The following TNS3 variants were observed in gnomAD, a reference collection of about 807,000 sequenced individuals.
TNS3 encodes tensin 3, also known as tensin-3.
A neutral mutation model predicts 140.9 loss-of-function variants in TNS3; 45 were observed. That is an observed-to-expected ratio of 0.32 (90% CI 0.25 to 0.41). The LOEUF is 0.41. Ranked by LOEUF, TNS3 falls within the 10% of genes least tolerant of loss-of-function variation. The probability of loss-of-function intolerance (pLI) is 1.00; values close to 1 mark genes in which losing one functional copy is unlikely to be tolerated. For missense variants in TNS3, 1,716 were observed against 1,906.7 expected, an observed-to-expected ratio of 0.90 and a Z score of 1.86; for synonymous variants, 815 against 788.4, an observed-to-expected ratio of 1.03 and a Z score of -0.56.
At chr7:47,495,957 C>T (rs188589006) in intron 3 of TNS3, among the ~76,000 whole-genome samples, 1 of 152,248 alleles carries the variant, frequency 6.6e-6, no homozygotes, top group East Asian at 1.9e-4. Context: ...GGATTTCTAA[C>T]CTGGACAGAG....
At chr7:47,399,211 T>C (rs2151335167) in intron 15 of TNS3, among the ~76,000 whole-genome samples, 1 of 152,082 alleles carries the variant, frequency 6.6e-6, no homozygotes, top group South Asian at 2.1e-4. Flanking sequence ...CCCATGCTCA[T>C]GGATTGGAAG....
At chr7:47,446,688 CTTTTTTTTTTTT>C (rs144042398) in intron 4 of TNS3, among the ~76,000 whole-genome samples, 1 of 96,680 alleles carries the variant, frequency 1.0e-5, no homozygotes. Flanking sequence ...TCCAGGCTGC[CTTTTTTTTTTTT>C]TTTTTTTTTT....
intron 16 of TNS3, among the ~76,000 whole-genome samples, chr7:47,386,556 C>T (rs770133083): frequency 1.6e-4 from 25 of 152,208 alleles, no homozygotes; most frequent in African/African-American, 2.9e-4. Flanking sequence ...TCTCTTACCC[C>T]GATCCATGGA....
Position 47,385,768 on chromosome 7 carries a change from G to A in TNS3, c.1024+11032C>T, listed in dbSNP as rs140459741. ...AAAGCACCCATAGTGCCCATCACTC[G>A]GTGGCTCCCCCGCCGCTTTTCCTTC... On this transcript the variant is annotated intron_variant, in intron 16 of 30. Transcript: ENST00000311160. Among the ~76,000 whole-genome samples, 46 of 152,258 alleles carry A rather than the reference G, an allele frequency of 3.0e-4. 1 individual carries two copies. The East Asian group carries it at 8.5e-3, about 28-fold the overall frequency.
intron 27 of TNS3, among the ~76,000 whole-genome samples, chr7:47,286,929 A>T (rs2150576951): frequency 6.6e-6 from 1 of 152,322 alleles, no homozygotes; most frequent in East Asian, 1.9e-4. Context: ...AAGGCAGCAT[A>T]GGATTGGATC....
In TNS3 at chr7:47,520,473, G is replaced by A. The variant is rs969014160; in HGVS notation, c.-153+8563C>T. On this transcript the variant is annotated intron_variant, in intron 2 of 30. Coordinates refer to ENST00000311160, the MANE Select transcript of TNS3 (RefSeq NM_022748.12). ...CACAATCAACTAACACAACCCAGAC[G>A]TCCCTGGCATGCAGAAACCTCAAAT... 5.1e-4 allele frequency among the ~76,000 whole-genome samples: 77 copies of A among 152,114 alleles called. 2 individuals are homozygous for A. The highest frequency in any genetic ancestry group is 6.3e-3 in the Middle Eastern group (2 of 316).
chr7:47,474,452 C>T (rs1041394220), intron 4 of TNS3, among the ~76,000 whole-genome samples: 17 of 150,306 alleles, frequency 1.1e-4, no homozygotes, highest in African/African-American at 4.2e-4. Flanking sequence ...ATACAACACA[C>T]ACTGCAACAC....
chr7:47,526,463 G>A lies in TNS3; in HGVS notation c.-153+2573C>T, dbSNP rs564839027. Among the ~76,000 whole-genome samples, 201 of 152,300 alleles carry A rather than the reference G, an allele frequency of 1.3e-3. 1 individual carries two copies. Among genetic ancestry groups the A allele is most frequent in the African/African-American group, 4.7e-3 (197 of 41,570 alleles). ...CAGCAACAAACCTAAGTACCACAACGCTGGCTGTGCACTTTAAGCCTGACT... is the reference window on the plus strand; with the variant it reads ...CAGCAACAAACCTAAGTACCACAACACTGGCTGTGCACTTTAAGCCTGACT... On this transcript the variant is annotated intron_variant, in intron 2 of 30. Coordinates refer to ENST00000311160, the MANE Select transcript of TNS3 (RefSeq NM_022748.12).
intron 22 of TNS3, 139 bp from the exon 23 acceptor site, chr7:47,302,411 C>A (rs991173594): frequency 4.5e-6 from 3 of 666,018 alleles, no homozygotes; most frequent in Admixed American, 2.5e-5. Context: ...GGGAACCCTG[C>A]CTTTGAAATG....
chr7:47,525,230 G>A (rs143556464), intron 2 of TNS3, among the ~76,000 whole-genome samples: 361 of 152,242 alleles, frequency 2.4e-3, no homozygotes, highest in Non-Finnish European at 3.1e-3. Flanking sequence ...TAGGTGTCTC[G>A]CTGCCTCCCA....
chr7:47,493,827 CAA>C (rs773516399), intron 3 of TNS3, among the ~76,000 whole-genome samples: 9 of 114,244 alleles, frequency 7.9e-5, no homozygotes, highest in African/African-American at 1.0e-4. Flanking sequence ...GACTCCGTCT[CAA>C]AAAAAAAAAA....
At chr7:47,451,471 C>T (rs1366640928) in intron 4 of TNS3, among the ~76,000 whole-genome samples, 2 of 152,128 alleles carry the variant, frequency 1.3e-5, no homozygotes, top group Non-Finnish European at 2.9e-5. Flanking sequence ...GTCCCAGGTA[C>T]TCCAGAGGCT....
At chr7:47,567,049 A>G (rs1469866644) in intron 1 of TNS3, among the ~76,000 whole-genome samples, 1 of 150,554 alleles carries the variant, frequency 6.6e-6, no homozygotes, top group African/African-American at 2.4e-5. Context: ...AAAAAAAAAA[A>G]AAAAGACATT....
chr7:47,319,886 C>T (rs1315439982), intron 20 of TNS3, among the ~76,000 whole-genome samples: 1 of 152,182 alleles, frequency 6.6e-6, no homozygotes, highest in Non-Finnish European at 1.5e-5. Context: ...CAGACTCTAA[C>T]CAGGTCCCTA....
In TNS3 at chr7:47,369,185, C is replaced by T. The variant is rs143062302; in HGVS notation, c.1461G>A (p.Leu487=). The change falls in exon 17 of 31, where the codon CTG becomes CTA. Residue 487 remains leucine, a synonymous_variant. Coordinates refer to ENST00000311160, the MANE Select transcript of TNS3 (RefSeq NM_022748.12). ...GGGTCCCAAGGCTGTCCACACTGTG[C>T]AGGTCGTGGTGGGGCATCTCGTCAT... ...ILDDEMPHHD[L]HSVDSLGTLS... 4.7e-3 allele frequency: 7,615 copies of T among 1,614,038 alleles called. 48 individuals are homozygous for T. The highest frequency in any genetic ancestry group is 0.037 in the Middle Eastern group (222 of 6,062).
rs1371755674 is a variant in TNS3, at chr7:47,368,814, A to C, written c.1832T>G (p.Leu611Arg). 6.2e-7 allele frequency: 1 copy of C among 1,611,588 alleles called. No homozygotes were observed. The highest frequency in any genetic ancestry group is 8.5e-7 in the Non-Finnish European group (1 of 1,179,230). ...ATTGTCTGCAGGGCAGCGGCTCACCAGCCGGGCCTCCCCATCTGGGGCGAA... is the reference window on the plus strand; with the variant it reads ...ATTGTCTGCAGGGCAGCGGCTCACCCGCCGGGCCTCCCCATCTGGGGCGAA... The part of the protein sequence containing the change: ...YSFAPDGEAR[L>R]VSRCPADNPG... Residue 611 changes from leucine (L) to arginine (R), a missense_variant, in exon 17 of 31, where the codon CTG (leucine) becomes CGG (arginine). By Grantham distance (102) the Leu-to-Arg change is moderately radical (BLOSUM62 -2). Coordinates refer to ENST00000311160, the MANE Select transcript of TNS3 (RefSeq NM_022748.12).
At chr7:47,395,413 G>C (rs1792771307) in intron 16 of TNS3, among the ~76,000 whole-genome samples, 1 of 152,184 alleles carries the variant, frequency 6.6e-6, no homozygotes. Flanking sequence ...CTCTCCTCCA[G>C]TGGAAAACAT....
chr7:47,540,359 C>A (rs1799749702), intron 1 of TNS3, among the ~76,000 whole-genome samples: 1 of 152,160 alleles, frequency 6.6e-6, no homozygotes, highest in African/African-American at 2.4e-5. Context: ...AGAGAGGCTA[C>A]ATCTCAACCT....
At chr7:47,415,426 G>A (rs1485331518) in intron 10 of TNS3, among the ~76,000 whole-genome samples, 8 of 152,190 alleles carry the variant, frequency 5.3e-5, no homozygotes. Flanking sequence ...AGGCACAACC[G>A]GCCTCTTGGC....
Sources: gnomAD v4.1 joint callset for allele counts (sites outside exome capture counted in the v4.1 genomes callset) on GRCh38, gnomAD v4.1.1 for gene constraint, MANE v1.5 for transcripts, NCBI Gene and HGNC (gene_info 2026-07-23, HGNC 2026-07-21) for gene names.